The following VWA8 variants were observed in gnomAD, a reference collection of about 807,000 sequenced individuals.
VWA8 encodes the protein von Willebrand factor A domain-containing protein 8.
Under a neutral mutation model 241.5 loss-of-function variants are expected in VWA8, and 221 were observed. The observed-to-expected ratio is 0.91, with a 90% CI of 0.82 to 1.02. The LOEUF (loss-of-function observed/expected upper bound fraction) is 1.02. Ranked by LOEUF, VWA8 falls within the 50% of genes least tolerant of loss-of-function variation. VWA8 has a pLI of 0.00. For synonymous variants in VWA8, 852 were observed against 827.1 expected, an observed-to-expected ratio of 1.03 and a Z score of -0.52; for missense variants, 2,322 against 2,328.7, an observed-to-expected ratio of 1.00 and a Z score of 0.06.
intron 20 of VWA8, among the ~76,000 whole-genome samples, chr13:41,775,926 CCTTTTAAA>C (rs1300019710): frequency 6.6e-6 from 1 of 152,136 alleles, no homozygotes; most frequent in Non-Finnish European, 1.5e-5. Flanking sequence ...TTAACTTCAA[CCTTTTAAA>C]CTAGAAGACC....
At chr13:41,575,532 T>TA (rs1226567143) in intron 43 of VWA8, among the ~76,000 whole-genome samples, 2 of 149,456 alleles carry the variant, frequency 1.3e-5, no homozygotes. Flanking sequence ...CCAAGTGTCC[T>TA]AAAAATATGT....
intron 21 of VWA8, among the ~76,000 whole-genome samples, chr13:41,735,868 T>C (rs2045520806): frequency 6.6e-6 from 1 of 152,142 alleles, no homozygotes; most frequent in African/African-American, 2.4e-5. Context: ...CAATATAGTA[T>C]TTCTTTTTCA....
chr13:41,868,574 T>C, intron 9 of VWA8, 97 bp from the exon 10 acceptor site: 1 of 1,365,140 alleles, frequency 7.3e-7, no homozygotes, highest in Non-Finnish European at 9.8e-7. Context: ...TGAAATCCAT[T>C]TTATATTATT....
At chr13:41,820,746 G>A (rs1262011130) in intron 14 of VWA8, among the ~76,000 whole-genome samples, 9 of 152,230 alleles carry the variant, frequency 5.9e-5, no homozygotes, top group Admixed American at 5.9e-4. Flanking sequence ...AAGATTGCTA[G>A]TAATTAGATA....
At chr13:41,597,309 A>G (rs1357322110) in intron 40 of VWA8, among the ~76,000 whole-genome samples, 5 of 152,174 alleles carry the variant, frequency 3.3e-5, no homozygotes, top group Admixed American at 2.6e-4. Flanking sequence ...AAACTTTCAT[A>G]TTGAATTTAT....
chr13:41,673,887 T>A (rs17534012), intron 36 of VWA8, among the ~76,000 whole-genome samples: 4 of 152,156 alleles, frequency 2.6e-5, no homozygotes, highest in Non-Finnish European at 5.9e-5. Flanking sequence ...TACGGAAAGT[T>A]AAAAGAGAAA....
intron 39 of VWA8, among the ~76,000 whole-genome samples, chr13:41,610,900 C>A (rs1343462202): frequency 2.0e-5 from 3 of 152,174 alleles, no homozygotes; most frequent in African/African-American, 4.8e-5. Flanking sequence ...CCGAGGGCCA[C>A]AGGCTCACTG....
chr13:41,618,952 T>C (rs962769835), intron 37 of VWA8, among the ~76,000 whole-genome samples: 2 of 152,376 alleles, frequency 1.3e-5, no homozygotes, highest in African/African-American at 4.8e-5. Flanking sequence ...GTCTTGGCAA[T>C]GTGGGCTCTT....
rs758180091 is a variant in VWA8 at position 41,761,117 on chromosome 13, A to G, written c.2426+11T>C. On this transcript the variant is annotated intron_variant, in intron 21 of 44. Coordinates refer to ENST00000379310, the MANE Select transcript of VWA8 (RefSeq NM_015058.2). ...GAGATTTTTAAGAGGTTGTGGGTCT[A>G]ATAGTCTTACCTGTGTAGCTGAATA... 6.2e-7 allele frequency: 1 copy of G among 1,608,934 alleles called. No homozygotes were observed. Among genetic ancestry groups the G allele is most frequent in the South Asian group, 1.1e-5 (1 of 90,718 alleles).
intron 17 of VWA8, among the ~76,000 whole-genome samples, chr13:41,797,026 ATTTTTTTC>A (rs1555336849): frequency 6.6e-6 from 1 of 151,492 alleles, no homozygotes; most frequent in African/African-American, 2.4e-5. Context: ...TGAAAAACCG[ATTTTTTTC>A]TTTTTTTCTT....
intron 4 of VWA8, among the ~76,000 whole-genome samples, chr13:41,899,149 C>T (rs1875302512): frequency 6.6e-6 from 1 of 152,202 alleles, no homozygotes; most frequent in Non-Finnish European, 1.5e-5. Flanking sequence ...CTCTCAGTAT[C>T]ACTCTATATC....
intron 1 of VWA8, among the ~76,000 whole-genome samples, chr13:41,951,695 A>T (rs1878147728): frequency 6.6e-6 from 1 of 152,240 alleles, no homozygotes. Context: ...CAGCACTGCC[A>T]GTTTAAAGCT....
chr13:41,674,448 A>C (rs1367254918), intron 36 of VWA8, among the ~76,000 whole-genome samples: 1 of 152,164 alleles, frequency 6.6e-6, no homozygotes, highest in African/African-American at 2.4e-5. Flanking sequence ...ATTGCAATAT[A>C]GGTCAAAATA....
In VWA8 at chr13:41,684,343, ACAT is replaced by A. The variant is rs2045120719; in HGVS notation, c.4327+701_4327+703del. Among the ~76,000 whole-genome samples the A allele has an allele frequency of 2.7e-5, 4 of 150,894 alleles. No homozygotes were observed. In the East Asian group the frequency reaches 7.9e-4, roughly 30 times the overall value. On this transcript the variant is annotated intron_variant, in intron 35 of 44. Coordinates refer to ENST00000379310, the MANE Select transcript of VWA8 (RefSeq NM_015058.2). ...AAGATAATATATCACTACCACTGTG[ACAT>A]AAAAAAAAAAAGTCAATTAATCAAT...
At chr13:41,703,488 T>C (rs545962479) in intron 26 of VWA8, 77 bp from the exon 27 acceptor site, 2 of 1,233,028 alleles carry the variant, frequency 1.6e-6, no homozygotes, top group East Asian at 4.8e-5. Context: ...GCATCTATTA[T>C]CAACCACACA....
chr13:41,659,158 A>G (rs1017811721), intron 37 of VWA8, among the ~76,000 whole-genome samples: 1 of 152,218 alleles, frequency 6.6e-6, no homozygotes, highest in Non-Finnish European at 1.5e-5. Flanking sequence ...AACATCACCC[A>G]TCATGACCTT....
chr13:41,629,820 G>A (rs569554553), intron 37 of VWA8, among the ~76,000 whole-genome samples: 3 of 152,274 alleles, frequency 2.0e-5, no homozygotes, highest in Non-Finnish European at 4.4e-5. Flanking sequence ...CTCTGGCAAA[G>A]CCATTAAGTA....
chr13:41,569,603 G>A (rs540077742), intron 44 of VWA8, among the ~76,000 whole-genome samples: 15 of 151,654 alleles, frequency 9.9e-5, no homozygotes, highest in South Asian at 8.3e-4. Context: ...AGTAAAAGGG[G>A]TGGAATAACA....
chr13:41,949,031 TAAA>T (rs35506856), intron 2 of VWA8, among the ~76,000 whole-genome samples: 11 of 63,402 alleles, frequency 1.7e-4, no homozygotes, highest in African/African-American at 5.8e-4. Flanking sequence ...TCTACCATCA[TAAA>T]AAAAAAAAAA....
Sources: gnomAD v4.1 joint callset for allele counts (sites outside exome capture counted in the v4.1 genomes callset) on GRCh38, gnomAD v4.1.1 for gene constraint, MANE v1.5 for transcripts, NCBI Gene and HGNC (gene_info 2026-07-23, HGNC 2026-07-21) for gene names.